The following ATP6V0D2 variants were observed in gnomAD, a reference collection of about 807,000 sequenced individuals.
The protein encoded by ATP6V0D2 is ATPase H+ transporting V0 subunit d2, also known as V-type proton ATPase subunit d 2.
A neutral mutation model predicts 40.0 loss-of-function variants in ATP6V0D2; 40 were observed. That is an observed-to-expected ratio of 1.00 (90% CI 0.78 to 1.30). The LOEUF (loss-of-function observed/expected upper bound fraction) is 1.30, where lower values mean the gene tolerates loss of function less well. Ranked by LOEUF, ATP6V0D2 falls within the 50% of genes most tolerant of loss-of-function variation. The pLI is 0.00. For missense variants in ATP6V0D2, 470 were observed against 423.1 expected, an observed-to-expected ratio of 1.11 and a Z score of -0.97; for synonymous variants, 179 against 156.3, an observed-to-expected ratio of 1.15 and a Z score of -1.08.
chr8:86,112,981 C>G (rs1282490857), intron 1 of ATP6V0D2, among the ~76,000 whole-genome samples: 1 of 152,132 alleles, frequency 6.6e-6, no homozygotes, highest in Non-Finnish European at 1.5e-5. Flanking sequence ...CTGCCCGTGC[C>G]ACCTGCCCCC....
At chr8:86,135,395 A>G (rs1473702734) in intron 2 of ATP6V0D2, among the ~76,000 whole-genome samples, 1 of 152,202 alleles carries the variant, frequency 6.6e-6, no homozygotes, top group Non-Finnish European at 1.5e-5. Flanking sequence ...GAAATGTTAA[A>G]ATATCATCTG....
At position 86,122,243 on chromosome 8, in the gene ATP6V0D2, A is replaced by C. The variant is rs553359221; in HGVS notation, c.302+8363A>C. ...AGGCTGTAAAATTTCTGAGTAGAGGATGACCAAGGAAATGTCATCTTCGGT... is the reference window on the plus strand; with the variant it reads ...AGGCTGTAAAATTTCTGAGTAGAGGCTGACCAAGGAAATGTCATCTTCGGT... On this transcript the variant is annotated intron_variant, in intron 2 of 7. Coordinates refer to ENST00000285393, the MANE Select transcript of ATP6V0D2 (RefSeq NM_152565.1). Among the ~76,000 whole-genome samples, 7 of 152,294 alleles carry C rather than the reference A, an allele frequency of 4.6e-5. 1 individual carries two copies. In the South Asian group the frequency reaches 1.5e-3, roughly 32 times the overall value.
chr8:86,133,484 T>C (rs963517830), intron 2 of ATP6V0D2, among the ~76,000 whole-genome samples: 1 of 151,164 alleles, frequency 6.6e-6, no homozygotes, highest in East Asian at 1.9e-4. Flanking sequence ...CACCACACCC[T>C]GCTAATTTTT....
intron 2 of ATP6V0D2, among the ~76,000 whole-genome samples, chr8:86,119,641 T>A (rs1286161759): frequency 6.6e-6 from 1 of 152,190 alleles, no homozygotes; most frequent in Admixed American, 6.5e-5. Flanking sequence ...AAAACAAAAA[T>A]AATTACTTAA....
chr8:86,142,919 G>T lies in ATP6V0D2; in HGVS notation c.604G>T (p.Asp202Tyr). 6.2e-7 allele frequency: 1 copy of T among 1,610,732 alleles called. No homozygotes were observed. The highest frequency in any genetic ancestry group is 8.5e-7 in the Non-Finnish European group (1 of 1,178,154). The change falls in exon 5 of 8, where the codon GAT becomes TAT. Residue 202 changes from aspartate (D) to tyrosine (Y), a missense_variant. Physicochemically the swap from Asp to Tyr is radical, Grantham distance 160. Coordinates refer to ENST00000285393, the MANE Select transcript of ATP6V0D2 (RefSeq NM_152565.1). ...AFYKFCKNHG[D>Y]VTAEVMCPIL... Reference sequence around the variant, plus strand: ...CTATAAATTCTGTAAGAATCATGGTGATGTCACAGCAGAAGTTATGTGTCC... The same window carrying T: ...CTATAAATTCTGTAAGAATCATGGTTATGTCACAGCAGAAGTTATGTGTCC...
chr8:86,124,164 GTCA>G (rs1007130917), intron 2 of ATP6V0D2, among the ~76,000 whole-genome samples: 6 of 152,176 alleles, frequency 3.9e-5, no homozygotes, highest in African/African-American at 1.4e-4. Flanking sequence ...AATGGGAATA[GTCA>G]AAGGGGAGCA....
intron 2 of ATP6V0D2, among the ~76,000 whole-genome samples, chr8:86,124,571 T>C (rs776161279): frequency 6.6e-6 from 1 of 152,164 alleles, no homozygotes; most frequent in Admixed American, 6.5e-5. Context: ...AGGTAGACTC[T>C]AAACTGGGTC....
In ATP6V0D2 at chr8:86,121,604, G is replaced by GGAGGAGGAGGAGGAT. The variant is rs1554588160; in HGVS notation, c.302+7738_302+7739insTGAGGAGGAGGAGGA. On this transcript the variant is annotated intron_variant, in intron 2 of 7. Transcript: ENST00000285393. Reference sequence around the variant, plus strand: ...AGGAGGAGGAGGAGGAGGAGGAGGAGGAGGAGGAGGAGGAGAAGGAGAAAG... The same window carrying GGAGGAGGAGGAGGAT: ...AGGAGGAGGAGGAGGAGGAGGAGGAGGAGGAGGAGGAGGATGAGGAGGAGGAGGAGAAGGAGAAAG... Among the ~76,000 whole-genome samples, 587 of 141,174 alleles carry GGAGGAGGAGGAGGAT rather than the reference G, an allele frequency of 4.2e-3. 25 individuals are homozygous for GGAGGAGGAGGAGGAT. Among genetic ancestry groups the GGAGGAGGAGGAGGAT allele is most frequent in the African/African-American group, 0.015 (558 of 37,720 alleles). 92.6% of individuals were successfully genotyped at this position (141,174 alleles called of 152,430 possible).
intron 5 of ATP6V0D2, among the ~76,000 whole-genome samples, chr8:86,147,101 G>A (rs1411086455): frequency 6.6e-6 from 1 of 152,106 alleles, no homozygotes; most frequent in African/African-American, 2.4e-5. Context: ...GGTTAATAGG[G>A]CAGTGAAAAA....
chr8:86,117,549 A>G (rs908114167), intron 2 of ATP6V0D2, among the ~76,000 whole-genome samples: 4 of 152,222 alleles, frequency 2.6e-5, no homozygotes, highest in African/African-American at 9.6e-5. Context: ...CTTGTTTGCC[A>G]TACTCAGTCC....
At chr8:86,120,005 A>C (rs1586091058) in intron 2 of ATP6V0D2, among the ~76,000 whole-genome samples, 2 of 152,220 alleles carry the variant, frequency 1.3e-5, no homozygotes, top group African/African-American at 4.8e-5. Flanking sequence ...CTTGAAAATT[A>C]GTTTTTTATT....
chr8:86,133,799 A>G (rs1461322916), intron 2 of ATP6V0D2, among the ~76,000 whole-genome samples: 2 of 152,166 alleles, frequency 1.3e-5, no homozygotes, highest in East Asian at 1.9e-4. Context: ...ACCTCCCAGC[A>G]GTAATGAGCC....
intron 5 of ATP6V0D2, among the ~76,000 whole-genome samples, chr8:86,144,618 AG>A (rs573078038): frequency 9.9e-4 from 150 of 152,248 alleles, no homozygotes; most frequent in Middle Eastern, 3.4e-3. Flanking sequence ...GAAACAAAAA[AG>A]TTTTATAGTT....
chr8:86,105,740 G>A (rs1000322316), intron 1 of ATP6V0D2, among the ~76,000 whole-genome samples: 12 of 147,628 alleles, frequency 8.1e-5, no homozygotes, highest in South Asian at 2.2e-4. Context: ...TCAGTCTCCC[G>A]AGTAGCTGGG....
chr8:86,145,176 AAG>A (rs143856766), intron 5 of ATP6V0D2, among the ~76,000 whole-genome samples: 3,135 of 55,696 alleles, frequency 0.056, 219 homozygotes, highest in African/African-American at 0.096. Context: ...GAAAGAGAGA[AAG>A]AGAGAAAGAA....
chr8:86,149,775 A>G (rs963963044), intron 5 of ATP6V0D2, among the ~76,000 whole-genome samples: 15 of 152,256 alleles, frequency 9.9e-5, no homozygotes, highest in South Asian at 2.1e-4. Context: ...AGAAATAGGT[A>G]TTCTCCTTTT....
At chr8:86,106,347 G>T (rs1162576865) in intron 1 of ATP6V0D2, among the ~76,000 whole-genome samples, 2 of 151,988 alleles carry the variant, frequency 1.3e-5, no homozygotes, top group East Asian at 3.9e-4. Context: ...TGCCCAGGCT[G>T]GTCTTGAACT....
At chr8:86,099,774 G>A (rs767611316) in intron 1 of ATP6V0D2, among the ~76,000 whole-genome samples, 8 of 152,246 alleles carry the variant, frequency 5.3e-5, no homozygotes, top group East Asian at 3.9e-4. Context: ...AATTACAGGC[G>A]TAAGCCATCA....
At chr8:86,099,428 G>A (rs77019326) in intron 1 of ATP6V0D2, among the ~76,000 whole-genome samples, 3,090 of 152,220 alleles carry the variant, frequency 0.02, 95 homozygotes, top group African/African-American at 0.071. Context: ...TAAAGTTCTT[G>A]CAGATACCTT....
Sources: allele counts gnomAD v4.1 joint callset (sites outside exome capture counted in the v4.1 genomes callset), GRCh38; gene constraint gnomAD v4.1.1; transcripts MANE v1.5; gene names NCBI Gene and HGNC (gene_info 2026-07-23, HGNC 2026-07-21).